Variants in FOXN4 observed in about 807,000 individuals in gnomAD.
FOXN4 encodes the protein forkhead box N4.
Under a neutral mutation model 45.0 loss-of-function variants are expected in FOXN4, and 12 were observed. The ratio of observed to expected loss-of-function variants is 0.27; its 90% CI spans 0.17 to 0.43. The LOEUF (loss-of-function observed/expected upper bound fraction) is 0.43, where lower values mean the gene tolerates loss of function less well. FOXN4 is among the 20% of genes least tolerant of loss of function. The pLI is 1.00. For synonymous variants in FOXN4, 297 were observed against 295.0 expected (o/e 1.01, Z -0.07); for missense variants, 560 against 694.9 (o/e 0.81, Z 2.18).
intron 9 of FOXN4, among the ~76,000 whole-genome samples, chr12:109,281,088 C>T (rs16940105): frequency 0.18 from 26,801 of 152,108 alleles, 2,480 homozygotes; most frequent in South Asian, 0.33. Context: ...TGCTTTGGCC[C>T]GGTATACAGC....
intron 7 of FOXN4, among the ~76,000 whole-genome samples, chr12:109,286,268 C>T (rs2047709460): frequency 6.6e-6 from 1 of 152,214 alleles, no homozygotes; most frequent in Admixed American, 6.5e-5. Context: ...AGGATCCTCA[C>T]TGACCCTGCC....
chr12:109,303,895 C>T (rs1273152349), intron 2 of FOXN4, among the ~76,000 whole-genome samples: 1 of 152,060 alleles, frequency 6.6e-6, no homozygotes, highest in Non-Finnish European at 1.5e-5. Flanking sequence ...ATGTCAGTAC[C>T]TGTCTCATGG....
In FOXN4 at chr12:109,290,859, G is replaced by A. The variant is rs927034150; in HGVS notation, c.87-573C>T. Among the ~76,000 whole-genome samples the A allele has an allele frequency of 2.0e-4, 30 of 152,214 alleles. No individual in the cohort carries two copies. The highest frequency in any genetic ancestry group is 7.0e-4 in the African/African-American group (29 of 41,454). The stretch of plus-strand genomic sequence containing the variant: ...TCCTGCCATGTGCTGAGGCAGCTGA[G>A]TGCCTGCTACCTGCCAGGCCCTGGA... On this transcript the variant is annotated intron_variant, in intron 2 of 9. Coordinates refer to ENST00000299162, the MANE Select transcript of FOXN4 (RefSeq NM_213596.3). This position sits in a 1 kb window ranked among gnomAD's most constrained non-coding sequence, Gnocchi z 5.1.
intron 3 of FOXN4, among the ~76,000 whole-genome samples, chr12:109,289,565 T>C (rs1363239989): frequency 6.6e-6 from 1 of 152,256 alleles, no homozygotes; most frequent in African/African-American, 2.4e-5. Flanking sequence ...ACTTTCTGTG[T>C]CTCTAAGCAT....
intron 2 of FOXN4, among the ~76,000 whole-genome samples, chr12:109,294,313 C>G (rs1282084268): frequency 6.6e-6 from 1 of 152,150 alleles, no homozygotes; most frequent in African/African-American, 2.4e-5. Context: ...CCCTGAGCTG[C>G]GTGACCTTGG....
rs759873846 is a variant in FOXN4 at position 109,281,600 on chromosome 12, G to C, written c.1101C>G (p.Pro367=). ...QSVPLHHQVQ[P]QAHLAPDSPA... ...GAGAGTCTGGAGCAAGATGTGCCTG[G>C]GGCTGGACCTGGTGGTGCAGGGGGA... Residue 367 remains proline, a synonymous_variant, in exon 9 of 10, where the codon CCC becomes CCG. Transcript: ENST00000299162. 6.2e-7 allele frequency: 1 copy of C among 1,608,122 alleles called. No homozygotes were observed. The highest frequency in any genetic ancestry group is 1.1e-5 in the South Asian group (1 of 90,188).
At chr12:109,293,817 GC>G (rs1383697792) in intron 2 of FOXN4, among the ~76,000 whole-genome samples, 1 of 152,180 alleles carries the variant, frequency 6.6e-6, no homozygotes, top group Non-Finnish European at 1.5e-5. Flanking sequence ...CAGGCCACCA[GC>G]GCTGAGAGTT....
At chr12:109,306,505 G>T (rs1460782693) in intron 2 of FOXN4, among the ~76,000 whole-genome samples, 1 of 152,180 alleles carries the variant, frequency 6.6e-6, no homozygotes, top group East Asian at 1.9e-4. Flanking sequence ...GCTCGCCCAG[G>T]CTTGCAGCTA....
chr12:109,289,251 C>T (rs1168617026), intron 3 of FOXN4, among the ~76,000 whole-genome samples: 1 of 152,212 alleles, frequency 6.6e-6, no homozygotes, highest in Non-Finnish European at 1.5e-5. Flanking sequence ...GGCAGCCAAA[C>T]TCTGTTTTTG....
chr12:109,299,214 C>CA (rs1161761299), intron 2 of FOXN4, among the ~76,000 whole-genome samples: 1 of 152,136 alleles, frequency 6.6e-6, no homozygotes, highest in Non-Finnish European at 1.5e-5. Context: ...AATAGTTCAC[C>CA]AGCAACTTCC....
At chr12:109,308,463 G>C in intron 1 of FOXN4, 139 bp from the exon 2 acceptor site, 2 of 556,060 alleles carry the variant, frequency 3.6e-6, no homozygotes, top group Non-Finnish European at 6.2e-6. Flanking sequence ...AAAGAAAAAA[G>C]TTCTAGAGGA....
rs2047740526 is a variant in FOXN4, at chr12:109,288,857, C to A, written c.233-677G>T. ...ACCTCTTCCAGGAAGCCCTCTGGGT[C>A]CTTCAGCTCTCTTCTGAGTTCTGGC... On this transcript the variant is annotated intron_variant, in intron 3 of 9. Transcript: ENST00000299162. The surrounding 1 kb of genome is among the most constrained non-coding windows in gnomAD (Gnocchi z 4.3). 6.6e-6 allele frequency among the ~76,000 whole-genome samples: 1 copy of A among 152,244 alleles called. No homozygotes were observed. Among genetic ancestry groups the A allele is most frequent in the Non-Finnish European group, 1.5e-5 (1 of 68,042 alleles).
intron 2 of FOXN4, among the ~76,000 whole-genome samples, chr12:109,300,860 G>T (rs2047862278): frequency 6.6e-6 from 1 of 152,130 alleles, no homozygotes; most frequent in Non-Finnish European, 1.5e-5. Flanking sequence ...AGTGAGTTCT[G>T]ATTACGCTGC....
intron 2 of FOXN4, among the ~76,000 whole-genome samples, chr12:109,306,929 G>A (rs755379120): frequency 4.7e-4 from 72 of 152,180 alleles, no homozygotes; most frequent in Non-Finnish European, 6.6e-4. Flanking sequence ...GTGTGATCTT[G>A]GGAGAAGCCA....
chr12:109,295,004 G>T (rs2047803450), intron 2 of FOXN4, among the ~76,000 whole-genome samples: 1 of 152,140 alleles, frequency 6.6e-6, no homozygotes, highest in African/African-American at 2.4e-5. Context: ...ACCCATTCTG[G>T]CTTCTCAGCC....
chr12:109,296,759 A>G (rs895003459), intron 2 of FOXN4, among the ~76,000 whole-genome samples: 6 of 152,166 alleles, frequency 3.9e-5, no homozygotes, highest in African/African-American at 1.4e-4. Context: ...CTGCTCTACA[A>G]GTACCCACAG....
At chr12:109,305,617 C>A (rs2047914652) in intron 2 of FOXN4, among the ~76,000 whole-genome samples, 1 of 152,098 alleles carries the variant, frequency 6.6e-6, no homozygotes, top group African/African-American at 2.4e-5. Flanking sequence ...GTAATCCCAC[C>A]TATTAGGGAG....
At chr12:109,280,149 C>G (rs772296541) in intron 9 of FOXN4, among the ~76,000 whole-genome samples, 11 of 152,088 alleles carry the variant, frequency 7.2e-5, no homozygotes, top group Non-Finnish European at 1.5e-4. Flanking sequence ...TCAACGCCAG[C>G]CTGGCCAACA....
intron 2 of FOXN4, among the ~76,000 whole-genome samples, chr12:109,301,947 A>G (rs1295797484): frequency 6.6e-6 from 1 of 152,078 alleles, no homozygotes; most frequent in Non-Finnish European, 1.5e-5. Flanking sequence ...GCCCAGCTTA[A>G]ATACACCTCC....
Sources: allele counts gnomAD v4.1 joint callset (sites outside exome capture counted in the v4.1 genomes callset), GRCh38; gene constraint gnomAD v4.1.1; non-coding constraint Gnocchi (gnomAD v3.1); transcripts MANE v1.5; gene names NCBI Gene and HGNC (gene_info 2026-07-23, HGNC 2026-07-21).